Variants in MITF observed in about 807,000 individuals in gnomAD.
The protein encoded by MITF is microphthalmia-associated transcription factor.
Under a neutral mutation model 60.5 loss-of-function variants are expected in MITF, and 17 were observed. The ratio of observed to expected loss-of-function variants is 0.28; its 90% CI spans 0.19 to 0.42. MITF has a LOEUF of 0.42. MITF is among the 10% of genes least tolerant of loss of function. The pLI, the probability that MITF is intolerant of heterozygous loss-of-function variation, is 1.00. For synonymous variants in MITF, 260 were observed against 248.5 expected (o/e 1.05, Z -0.43); for missense variants, 622 against 683.5 (o/e 0.91, Z 1.00).
At chr3:69,929,272 G>A (rs1028798857) in intron 2 of MITF, among the ~76,000 whole-genome samples, 3 of 152,164 alleles carry the variant, frequency 2.0e-5, no homozygotes, top group African/African-American at 7.2e-5. Context: ...CTGTGTTCTG[G>A]ACAAAGCAGA....
intron 4 of MITF, 26 bp downstream of exon 4, chr3:69,939,207 G>T (rs778686902): frequency 6.3e-7 from 1 of 1,594,776 alleles, no homozygotes; most frequent in South Asian, 1.1e-5. Context: ...GCAGCCTGAG[G>T]ATGAACACTT....
rs573525071 is a variant in MITF, at chr3:69,791,640, C to T, written c.104+51939C>T. 5.9e-5 allele frequency among the ~76,000 whole-genome samples: 9 copies of T among 152,206 alleles called. No homozygotes were observed. The South Asian group carries it at 1.7e-3, about 28-fold the overall frequency. On this transcript the variant is annotated intron_variant, in intron 1 of 9. Coordinates refer to ENST00000352241, the MANE Select transcript of MITF (RefSeq NM_001354604.2). ...TTGGGTATTTGAAAGTTCAAACTGG[C>T]ACAGTTTTTTCTCTTTTAAATCTTA...
intron 1 of MITF, among the ~76,000 whole-genome samples, chr3:69,862,723 G>A (rs1165570249): frequency 1.3e-5 from 2 of 152,174 alleles, no homozygotes; most frequent in East Asian, 3.9e-4. Flanking sequence ...GCTGTCACTT[G>A]GATGGTTGAT....
chr3:69,860,500 A>C (rs2063994164), intron 1 of MITF, among the ~76,000 whole-genome samples: 1 of 148,562 alleles, frequency 6.7e-6, no homozygotes, highest in Non-Finnish European at 1.5e-5. Context: ...CGGGAGGCTG[A>C]GGCAGGAGAA....
intron 1 of MITF, chr3:69,769,625 G>A (rs2062361935): frequency 6.6e-6 from 1 of 152,026 alleles, no homozygotes; most frequent in Non-Finnish European, 1.5e-5. Context: ...ATGCACCTTG[G>A]TGGTCCCCTA....
intron 2 of MITF, among the ~76,000 whole-genome samples, chr3:69,929,629 A>G (rs1223511645): frequency 6.6e-6 from 1 of 152,056 alleles, no homozygotes; most frequent in African/African-American, 2.4e-5. Context: ...GTAGGGAACC[A>G]TTACAGAGGT....
chr3:69,838,700 CT>C (rs1239913349), intron 1 of MITF: 1 of 152,632 alleles, frequency 6.6e-6, no homozygotes, highest in African/African-American at 2.4e-5. Context: ...TAGTTGCTCT[CT>C]GCATTAGATT....
intron 2 of MITF, among the ~76,000 whole-genome samples, chr3:69,887,682 T>A (rs1009990893): frequency 6.6e-6 from 1 of 152,092 alleles, no homozygotes; most frequent in Non-Finnish European, 1.5e-5. Context: ...TTAATTACTC[T>A]TTTTAAAAAT....
intron 1 of MITF, among the ~76,000 whole-genome samples, chr3:69,762,068 T>A (rs1188773319): frequency 6.6e-6 from 1 of 152,212 alleles, no homozygotes; most frequent in Non-Finnish European, 1.5e-5. Flanking sequence ...ATCTTTGGCA[T>A]GCCAGAGGTC....
chr3:69,807,151 G>T (rs80034696), intron 1 of MITF, among the ~76,000 whole-genome samples: 3,676 of 152,226 alleles, frequency 0.024, 62 homozygotes, highest in Middle Eastern at 0.051. Context: ...TAAGTTACAT[G>T]ATTTCACCTA....
intron 1 of MITF, among the ~76,000 whole-genome samples, chr3:69,768,567 C>T (rs2062339158): frequency 6.6e-6 from 1 of 152,200 alleles, no homozygotes; most frequent in Non-Finnish European, 1.5e-5. Context: ...GCTTTGGTGG[C>T]TGCTTCAGAT....
chr3:69,805,688 G>C (rs565029716), intron 1 of MITF, among the ~76,000 whole-genome samples: 1 of 151,920 alleles, frequency 6.6e-6, no homozygotes, highest in Non-Finnish European at 1.5e-5. Context: ...TGACGAGGTC[G>C]TTCTCTGTCA....
intron 1 of MITF, among the ~76,000 whole-genome samples, chr3:69,797,540 A>G (rs2062851380): frequency 6.6e-6 from 1 of 152,166 alleles, no homozygotes; most frequent in Admixed American, 6.5e-5. Flanking sequence ...TATAGGTGTG[A>G]TGGTGGAGTA....
intron 1 of MITF, among the ~76,000 whole-genome samples, chr3:69,764,598 CCAGA>C (rs2062261432): frequency 6.6e-6 from 1 of 152,086 alleles, no homozygotes; most frequent in Admixed American, 6.5e-5. Flanking sequence ...TTTAATAACC[CCAGA>C]CAGAGGAGTC....
intron 1 of MITF, among the ~76,000 whole-genome samples, chr3:69,748,166 TA>T (rs1200178791): frequency 1.3e-5 from 2 of 152,208 alleles, no homozygotes; most frequent in Admixed American, 6.5e-5. Flanking sequence ...TTGACATCTT[TA>T]AAAAAATCTT....
intron 2 of MITF, among the ~76,000 whole-genome samples, chr3:69,935,954 T>C (rs2065823922): frequency 6.6e-6 from 1 of 152,206 alleles, no homozygotes; most frequent in South Asian, 2.1e-4. Flanking sequence ...CATGCTTTTT[T>C]CATTTGAGAA....
chr3:69,905,266 C>T (rs186150601), intron 2 of MITF, among the ~76,000 whole-genome samples: 2 of 152,246 alleles, frequency 1.3e-5, no homozygotes, highest in Admixed American at 1.3e-4. Flanking sequence ...TTCTTTCACT[C>T]AGCATAATTA....
chr3:69,813,644 AG>A (rs1321289701), intron 1 of MITF, among the ~76,000 whole-genome samples: 1 of 152,218 alleles, frequency 6.6e-6, no homozygotes, highest in Non-Finnish European at 1.5e-5. Flanking sequence ...TTTCTTTAAA[AG>A]GTGTAAAGTT....
chr3:69,845,135 C>T (rs1032976648), intron 1 of MITF, among the ~76,000 whole-genome samples: 6 of 151,936 alleles, frequency 3.9e-5, no homozygotes, highest in Non-Finnish European at 7.4e-5. Flanking sequence ...ATTATGTTTC[C>T]TTCATTCTAT....
Sources: allele counts gnomAD v4.1 joint callset (sites outside exome capture counted in the v4.1 genomes callset), GRCh38; gene constraint gnomAD v4.1.1; transcripts MANE v1.5; gene names NCBI Gene and HGNC (gene_info 2026-07-23, HGNC 2026-07-21).